The following GRM7 variants were observed in gnomAD, a reference collection of about 807,000 sequenced individuals.
GRM7 encodes glutamate metabotropic receptor 7.
Under a neutral mutation model 84.5 loss-of-function variants are expected in GRM7, and 35 were observed. The ratio of observed to expected loss-of-function variants is 0.41; its 90% CI spans 0.32 to 0.55. The LOEUF is 0.55. GRM7 is among the 20% of genes least tolerant of loss of function. GRM7 has a pLI of 0.19. For synonymous variants in GRM7, 487 were observed against 455.1 expected (o/e 1.07, Z -0.89); for missense variants, 1,003 against 1,194.6 (o/e 0.84, Z 2.36).
At chr3:7,716,305 A>G (rs144416079) in intron 9 of GRM7, among the ~76,000 whole-genome samples, 1 of 152,220 alleles carries the variant, frequency 6.6e-6, no homozygotes, top group Non-Finnish European at 1.5e-5. Context: ...CACTCGTTCC[A>G]TAACTAACTT....
chr3:7,499,971 T>C (rs1159143834), intron 7 of GRM7, among the ~76,000 whole-genome samples: 1 of 152,182 alleles, frequency 6.6e-6, no homozygotes, highest in Non-Finnish European at 1.5e-5. Context: ...AGACGGGGTT[T>C]CACCGTGTTA....
intron 6 of GRM7, among the ~76,000 whole-genome samples, chr3:7,453,029 AT>A (rs60916756): frequency 0.013 from 1,773 of 141,810 alleles, 10 homozygotes; most frequent in Non-Finnish European, 0.015. Context: ...TGAAATAGAG[AT>A]TTTTTTTTTT....
intron 4 of GRM7, among the ~76,000 whole-genome samples, chr3:7,368,732 A>G (rs1390284440): frequency 1.3e-5 from 2 of 152,162 alleles, no homozygotes; most frequent in Non-Finnish European, 2.9e-5. Context: ...TCAGATGGAC[A>G]GCACAGAGGG....
chr3:7,002,388 C>T (rs114957334), intron 1 of GRM7, among the ~76,000 whole-genome samples: 118 of 152,266 alleles, frequency 7.7e-4, no homozygotes, highest in African/African-American at 2.2e-3. Context: ...AAGAATAGCT[C>T]CTATGTACCA....
rs190319377 is a variant in GRM7 at position 7,370,277 on chromosome 3, A to T, written c.1034-44746A>T. On this transcript the variant is annotated intron_variant, in intron 4 of 9. Coordinates refer to ENST00000357716, the MANE Select transcript of GRM7 (RefSeq NM_000844.4). ...CAATGCCCATCAGTATTAAGTGTTG[A>T]TGTGATTCCTCCTTAGACCCTTTTC... Among the ~76,000 whole-genome samples the T allele has an allele frequency of 2.6e-5, 4 of 152,260 alleles. No individual in the cohort carries two copies. In the East Asian group the frequency reaches 7.7e-4, roughly 29 times the overall value.
chr3:6,890,657 T>C (rs1334003740), intron 1 of GRM7, among the ~76,000 whole-genome samples: 4 of 152,158 alleles, frequency 2.6e-5, no homozygotes, highest in Non-Finnish European at 2.9e-5. Context: ...TCCAAGTATG[T>C]GGTCAATTTT....
intron 2 of GRM7, among the ~76,000 whole-genome samples, chr3:7,163,534 T>C (rs1351548203): frequency 3.3e-5 from 5 of 152,248 alleles, no homozygotes; most frequent in Non-Finnish European, 7.3e-5. Context: ...GAGTAGTTTG[T>C]ATCCTCATGG....
intron 7 of GRM7, among the ~76,000 whole-genome samples, chr3:7,572,654 CA>C (rs1007070114): frequency 2.7e-5 from 4 of 149,058 alleles, no homozygotes; most frequent in Admixed American, 1.3e-4. Context: ...CCCATCTCTA[CA>C]AAAAAAATAC....
chr3:7,236,074 T>C (rs551794837), intron 2 of GRM7, among the ~76,000 whole-genome samples: 10 of 152,168 alleles, frequency 6.6e-5, no homozygotes, highest in Non-Finnish European at 1.3e-4. Flanking sequence ...CATCCTCATG[T>C]GGTAGAAGGG....
intron 1 of GRM7, among the ~76,000 whole-genome samples, chr3:7,057,604 G>A (rs78391998): frequency 0.025 from 3,859 of 151,986 alleles, 125 homozygotes; most frequent in African/African-American, 0.075. Context: ...AAAAAAATCA[G>A]TTCATACTTC....
At chr3:7,285,871 G>A (rs192324074) in intron 2 of GRM7, among the ~76,000 whole-genome samples, 14 of 152,110 alleles carry the variant, frequency 9.2e-5, no homozygotes, top group East Asian at 5.8e-4. Context: ...GAAGCCCAAC[G>A]TGATTTTAAT....
chr3:7,512,172 A>T (rs1700231736), intron 7 of GRM7, among the ~76,000 whole-genome samples: 1 of 152,146 alleles, frequency 6.6e-6, no homozygotes, highest in Non-Finnish European at 1.5e-5. Context: ...AGAAAAGAAA[A>T]GAAATGACAA....
At chr3:7,348,506 A>T (rs1692990694) in intron 4 of GRM7, among the ~76,000 whole-genome samples, 2 of 152,078 alleles carry the variant, frequency 1.3e-5, no homozygotes, top group Non-Finnish European at 2.9e-5. Context: ...TTTATTTGGG[A>T]TAATGATAGC....
At chr3:7,539,832 G>A (rs1039103748) in intron 7 of GRM7, among the ~76,000 whole-genome samples, 5 of 152,136 alleles carry the variant, frequency 3.3e-5, no homozygotes, top group African/African-American at 1.2e-4. Flanking sequence ...GCACTGAATT[G>A]AATTTCAAAG....
chr3:7,454,441 CAAAT>C lies in GRM7; in HGVS notation c.1375+1637_1375+1640del, dbSNP rs1697920633. On this transcript the variant is annotated intron_variant, in intron 6 of 9. Coordinates refer to ENST00000357716, the MANE Select transcript of GRM7 (RefSeq NM_000844.4). ...ATGCAACATTCAACACAGACAGTAA[CAAAT>C]AATCATAATTATATTATAAACAAAT... Among the ~76,000 whole-genome samples, 3 of 152,052 alleles carry C rather than the reference CAAAT, an allele frequency of 2.0e-5. No homozygotes were observed. In the South Asian group the frequency reaches 6.2e-4, roughly 32 times the overall value.
At chr3:7,571,210 C>A (rs940213155) in intron 7 of GRM7, among the ~76,000 whole-genome samples, 1 of 152,120 alleles carries the variant, frequency 6.6e-6, no homozygotes, top group Admixed American at 6.5e-5. Context: ...ACATTTGGCT[C>A]CTCATTACTT....
At chr3:7,031,395 A>C (rs986659270) in intron 1 of GRM7, among the ~76,000 whole-genome samples, 1 of 149,744 alleles carries the variant, frequency 6.7e-6, no homozygotes, top group African/African-American at 2.5e-5. Context: ...ACTTTTTTTA[A>C]ATTTTTTAAA....
chr3:7,478,740 G>A (rs140526466), intron 7 of GRM7, among the ~76,000 whole-genome samples: 1 of 152,106 alleles, frequency 6.6e-6, no homozygotes, highest in East Asian at 1.9e-4. Context: ...CTATCAACTA[G>A]TGTGAAGGCA....
chr3:7,169,884 A>G (rs758828981), intron 2 of GRM7, among the ~76,000 whole-genome samples: 30 of 152,190 alleles, frequency 2.0e-4, no homozygotes, highest in Non-Finnish European at 3.7e-4. Flanking sequence ...GGAGACAAAC[A>G]TTTTTAACAC....
Sources: gnomAD v4.1 joint callset for allele counts (sites outside exome capture counted in the v4.1 genomes callset) on GRCh38, gnomAD v4.1.1 for gene constraint, MANE v1.5 for transcripts, NCBI Gene and HGNC (gene_info 2026-07-23, HGNC 2026-07-21) for gene names.